Variants in CYP2C18 observed in about 807,000 individuals in gnomAD.
CYP2C18 encodes the protein cytochrome P450 2C18.
In CYP2C18, 38 loss-of-function variants were observed where a neutral mutation model predicts 41.3. The observed-to-expected ratio is 0.92, with a 90% CI of 0.71 to 1.21. The LOEUF (loss-of-function observed/expected upper bound fraction) is 1.21. CYP2C18 is among the 50% of genes most tolerant of loss of function. CYP2C18 has a pLI of 0.00. For synonymous variants in CYP2C18, 236 were observed against 210.0 expected, an observed-to-expected ratio of 1.12 and a Z score of -1.07; for missense variants, 635 against 591.4, an observed-to-expected ratio of 1.07 and a Z score of -0.77.
intron 3 of CYP2C18, among the ~76,000 whole-genome samples, chr10:94,693,114 G>T (rs1408826856): frequency 6.6e-6 from 1 of 152,136 alleles, no homozygotes; most frequent in Non-Finnish European, 1.5e-5. Flanking sequence ...GTATACATAT[G>T]TAACAAACCT....
At chr10:94,706,210 T>C (rs185420657) in intron 4 of CYP2C18, among the ~76,000 whole-genome samples, 1 of 152,316 alleles carries the variant, frequency 6.6e-6, no homozygotes, top group East Asian at 1.9e-4. Context: ...TCCTGAACTC[T>C]GTCTAAAGGA....
At chr10:94,692,516 A>G (rs1445494271) in intron 3 of CYP2C18, among the ~76,000 whole-genome samples, 3 of 152,120 alleles carry the variant, frequency 2.0e-5, no homozygotes, top group Admixed American at 6.5e-5. Flanking sequence ...AAAAGTCAGG[A>G]AGCAACAGGT....
At chr10:94,697,436 A>G (rs191305105) in intron 4 of CYP2C18, among the ~76,000 whole-genome samples, 27 of 152,322 alleles carry the variant, frequency 1.8e-4, no homozygotes, top group Non-Finnish European at 3.5e-4. Flanking sequence ...ATGCTGAGAG[A>G]TTTTGTCACC....
intron 6 of CYP2C18, among the ~76,000 whole-genome samples, chr10:94,722,338 A>T (rs547047392): frequency 6.6e-6 from 1 of 151,956 alleles, no homozygotes; most frequent in Non-Finnish European, 1.5e-5. Flanking sequence ...ATATTTATCT[A>T]TGAGCAGATT....
intron 5 of CYP2C18, among the ~76,000 whole-genome samples, chr10:94,717,643 G>A (rs1158375265): frequency 1.3e-5 from 2 of 152,076 alleles, no homozygotes; most frequent in African/African-American, 4.8e-5. Flanking sequence ...AGTATATGGT[G>A]TGAGATCAGT....
At chr10:94,684,045 T>C in intron 1 of CYP2C18, 58 bp downstream of exon 1, 1 of 1,254,802 alleles carries the variant, frequency 8.0e-7, no homozygotes, top group Non-Finnish European at 1.1e-6. Context: ...CTCACAATTC[T>C]TAAAGTTTTA....
At chr10:94,706,070 G>T (rs1299345475) in intron 4 of CYP2C18, among the ~76,000 whole-genome samples, 1 of 152,144 alleles carries the variant, frequency 6.6e-6, no homozygotes, top group Non-Finnish European at 1.5e-5. Context: ...ATGCTACCAG[G>T]AAGTTCTGAA....
chr10:94,688,951 T>C (rs907142010), intron 3 of CYP2C18, among the ~76,000 whole-genome samples: 6 of 152,180 alleles, frequency 3.9e-5, no homozygotes, highest in African/African-American at 1.4e-4. Context: ...TTGGTCTATA[T>C]TTGTACAGTC....
chr10:94,731,090 G>A (rs1847823631), intron 7 of CYP2C18, among the ~76,000 whole-genome samples: 1 of 152,064 alleles, frequency 6.6e-6, no homozygotes, highest in South Asian at 2.1e-4. Context: ...TGTTAAAATG[G>A]CCATACTGGG....
chr10:94,731,959 T>C (rs1212012216), intron 7 of CYP2C18, among the ~76,000 whole-genome samples: 1 of 151,936 alleles, frequency 6.6e-6, no homozygotes, highest in Non-Finnish European at 1.5e-5. Context: ...AAAAAATTGA[T>C]ATGTTACTTA....
rs1159354343 is a variant in CYP2C18, at chr10:94,706,914, A to C, written c.773A>C (p.Asn258Thr). The C allele has an allele frequency of 6.2e-7, 1 of 1,612,622 alleles. No individual in the cohort carries two copies. The highest frequency in any genetic ancestry group is 1.1e-5 in the South Asian group (1 of 90,904). The change falls in exon 5 of 9, where the codon AAC becomes ACC. Residue 258 changes from asparagine (N) to threonine (T), a missense_variant. Asn to Thr is a moderately conservative substitution (Grantham distance 65). Coordinates refer to ENST00000285979, the MANE Select transcript of CYP2C18 (RefSeq NM_000772.3). ...GAACATCAAGAATCCCTGGACATGA[A>C]CAGTGCTCGGGACTTTATTGATTGT... ...IKEHQESLDM[N>T]SARDFIDCFL...
intron 5 of CYP2C18, 125 bp downstream of exon 5, chr10:94,707,085 A>T: frequency 1.7e-6 from 1 of 603,608 alleles, no homozygotes; most frequent in East Asian, 3.1e-5. Context: ...ATAGATCTGG[A>T]TGAAGCACCA....
intron 4 of CYP2C18, among the ~76,000 whole-genome samples, chr10:94,703,604 G>C (rs116420245): frequency 0.025 from 3,838 of 152,210 alleles, 146 homozygotes; most frequent in African/African-American, 0.075. Flanking sequence ...TTGAGCATCC[G>C]AGGTCGACTT....
At chr10:94,691,199 A>G (rs1846992523) in intron 3 of CYP2C18, among the ~76,000 whole-genome samples, 1 of 152,286 alleles carries the variant, frequency 6.6e-6, no homozygotes, top group Admixed American at 6.5e-5. Flanking sequence ...AAGGAAATAA[A>G]GGGCATTCAA....
Position 94,694,967 on chromosome 10 carries a change from A to G in CYP2C18, c.532A>G (p.Ile178Val). 1 of 1,613,170 alleles carries G rather than the reference A, an allele frequency of 6.2e-7. No individual in the cohort carries two copies. Among genetic ancestry groups the G allele is most frequent in the Non-Finnish European group, 8.5e-7 (1 of 1,179,902 alleles). ...FILGCAPCNV[I>V]CSVIFHDRFD... ...CCTGGGCTGTGCTCCCTGCAATGTG[A>G]TCTGCTCTGTTATTTTCCATGATCG... The change falls in exon 4 of 9, where the codon ATC becomes GTC. Residue 178 changes from isoleucine (I) to valine (V), a missense_variant. Ile to Val is a conservative substitution (Grantham distance 29, BLOSUM62 3). Transcript: ENST00000285979.
chr10:94,726,814 C>T lies in CYP2C18; in HGVS notation c.1149+2281C>T, dbSNP rs561180264. On this transcript the variant is annotated intron_variant, in intron 7 of 8. Coordinates refer to ENST00000285979, the MANE Select transcript of CYP2C18 (RefSeq NM_000772.3). ...TTGAGACTTTTTAGTTGCTATTCTG[C>T]AAGCTGCTCCATTCCACTTGAAGCG... 2.0e-5 allele frequency among the ~76,000 whole-genome samples: 3 copies of T among 152,216 alleles called. No individual in the cohort carries two copies. In the East Asian group the frequency reaches 5.8e-4, roughly 29 times the overall value.
intron 7 of CYP2C18, among the ~76,000 whole-genome samples, chr10:94,726,620 T>C (rs1847747202): frequency 6.6e-6 from 1 of 152,180 alleles, no homozygotes; most frequent in Non-Finnish European, 1.5e-5. Flanking sequence ...TTCCAAGTCT[T>C]TGCTATTGTG....
intron 5 of CYP2C18, among the ~76,000 whole-genome samples, chr10:94,709,968 A>G (rs1247238438): frequency 6.6e-6 from 1 of 151,930 alleles, no homozygotes; most frequent in African/African-American, 2.4e-5. Context: ...AGCTTTCTTT[A>G]TGCCAGTATG....
At chr10:94,725,599 A>G (rs1198240961) in intron 7 of CYP2C18, among the ~76,000 whole-genome samples, 2 of 152,122 alleles carry the variant, frequency 1.3e-5, no homozygotes, top group Non-Finnish European at 2.9e-5. Flanking sequence ...TGTTTTATGT[A>G]TATTTTCATA....
Sources: gnomAD v4.1 joint callset for allele counts (sites outside exome capture counted in the v4.1 genomes callset) on GRCh38, gnomAD v4.1.1 for gene constraint, MANE v1.5 for transcripts, NCBI Gene and HGNC (gene_info 2026-07-23, HGNC 2026-07-21) for gene names.